Variants in DCDC1 observed in about 807,000 individuals in gnomAD.
The protein encoded by DCDC1 is doublecortin domain-containing protein 1.
In DCDC1, 200 loss-of-function variants were observed where a neutral mutation model predicts 178.3. The ratio of observed to expected loss-of-function variants is 1.12; its 90% confidence interval spans 1.00 to 1.26. The LOEUF (loss-of-function observed/expected upper bound fraction) is 1.26. Ranked by LOEUF, DCDC1 falls within the 50% of genes most tolerant of loss-of-function variation. DCDC1 has a pLI of 0.00. For synonymous variants in DCDC1, 690 were observed against 604.8 expected (o/e 1.14, Z -2.07); for missense variants, 1,983 against 1,749.2 (o/e 1.13, Z -2.38).
chr11:31,146,344 C>A (rs930853076), intron 9 of DCDC1, among the ~76,000 whole-genome samples: 3 of 152,116 alleles, frequency 2.0e-5, no homozygotes, highest in Admixed American at 6.5e-5. Context: ...CCTTGGCCTC[C>A]CAAAGGGCTG....
intron 1 of DCDC1, among the ~76,000 whole-genome samples, chr11:31,342,952 G>A (rs558578889): frequency 1.3e-5 from 2 of 152,010 alleles, no homozygotes; most frequent in African/African-American, 4.8e-5. Context: ...ATACCTTTTT[G>A]TTTTTTTCCC....
chr11:30,932,740 C>A (rs1947016496), intron 21 of DCDC1, among the ~76,000 whole-genome samples: 1 of 152,034 alleles, frequency 6.6e-6, no homozygotes, highest in Non-Finnish European at 1.5e-5. Context: ...AGTCCTGAAG[C>A]CTTCGTAGGA....
chr11:30,995,472 A>C (rs907070344), intron 20 of DCDC1, among the ~76,000 whole-genome samples: 2 of 152,190 alleles, frequency 1.3e-5, no homozygotes, highest in Non-Finnish European at 2.9e-5. Context: ...GAAAAAGAAC[A>C]ATGGTAGAAG....
chr11:31,121,361 T>A (rs995088763), intron 11 of DCDC1, among the ~76,000 whole-genome samples: 1 of 149,968 alleles, frequency 6.7e-6, no homozygotes, highest in Non-Finnish European at 1.5e-5. Context: ...CATTTTTTTT[T>A]AAACAAGGAA....
chr11:31,099,718 G>GT (rs1424137523), intron 15 of DCDC1, among the ~76,000 whole-genome samples: 3 of 137,656 alleles, frequency 2.2e-5, no homozygotes, highest in Non-Finnish European at 4.7e-5. Flanking sequence ...TTGTTTGTTT[G>GT]TTGTTTTTTT....
chr11:31,296,232 A>G (rs1302858115), intron 6 of DCDC1, among the ~76,000 whole-genome samples: 6 of 152,166 alleles, frequency 3.9e-5, no homozygotes, highest in African/African-American at 1.4e-4. Flanking sequence ...CCTTATGTCT[A>G]ACAGAAGAGT....
chr11:31,267,193 ATT>A (rs397848314), intron 7 of DCDC1, among the ~76,000 whole-genome samples: 3 of 147,584 alleles, frequency 2.0e-5, no homozygotes, highest in Admixed American at 6.7e-5. Flanking sequence ...TGTTATAGGA[ATT>A]TTTTTTTTTT....
At chr11:31,201,973 A>T (rs1225123545) in intron 9 of DCDC1, among the ~76,000 whole-genome samples, 1 of 152,218 alleles carries the variant, frequency 6.6e-6, no homozygotes, top group East Asian at 1.9e-4. Flanking sequence ...AAAAGTATAA[A>T]ATGGTATTTG....
intron 9 of DCDC1, among the ~76,000 whole-genome samples, chr11:31,213,300 A>T (rs934431819): frequency 6.6e-6 from 1 of 151,714 alleles, no homozygotes; most frequent in Non-Finnish European, 1.5e-5. Context: ...TTTCAAATTT[A>T]GCCTTATCAT....
intron 35 of DCDC1, among the ~76,000 whole-genome samples, 162 bp downstream of exon 35, chr11:30,894,086 A>G (rs910197904): frequency 1.3e-5 from 2 of 152,112 alleles, no homozygotes; most frequent in Non-Finnish European, 2.9e-5. Context: ...TTAGACAGCT[A>G]CTCTCCAAAT....
intron 1 of DCDC1, among the ~76,000 whole-genome samples, chr11:31,337,242 T>C (rs917823742): frequency 6.6e-6 from 1 of 152,188 alleles, no homozygotes; most frequent in Non-Finnish European, 1.5e-5. Flanking sequence ...ATTTGGGACT[T>C]TGGGCCTTGC....
rs1958651027 is a variant in DCDC1, at chr11:31,103,668, G to C, written c.1853C>G (p.Ala618Gly). 1 of 764,864 alleles carries C rather than the reference G, an allele frequency of 1.3e-6. No individual in the cohort carries two copies. The highest frequency in any genetic ancestry group is 1.3e-5 in the South Asian group (1 of 74,430). The allele number at this position is 764,864 out of a possible 1,614,324, so 47.4% of individuals were successfully genotyped here. The stretch of plus-strand genomic sequence containing the variant: ...CTTGCCACATCCAGGTAGCAGAACA[G>C]CATTAGGATCCAAAAAGGTCTTATA... ...VAYKTFLDPN[A>G]VLLPGCGNWE... Residue 618 changes from alanine to glycine, a missense_variant, in exon 14 of 39, where the codon GCT (alanine) becomes GGT (glycine). By Grantham distance (60) the Ala-to-Gly change is moderately conservative. Transcript: ENST00000684477.
At chr11:30,871,126 AC>A (rs1941510397) in intron 38 of DCDC1, among the ~76,000 whole-genome samples, 1 of 152,176 alleles carries the variant, frequency 6.6e-6, no homozygotes, top group African/African-American at 2.4e-5. Context: ...TGGTACAGTG[AC>A]CCTGAAGCCA....
intron 34 of DCDC1, 57 bp downstream of exon 34, chr11:30,899,483 CA>C: frequency 8.9e-7 from 1 of 1,126,120 alleles, no homozygotes; most frequent in East Asian, 2.8e-5. Context: ...TAACCATTAG[CA>C]ATTTGGGGCT....
intron 1 of DCDC1, among the ~76,000 whole-genome samples, chr11:31,358,962 AG>A (rs1951551293): frequency 6.6e-6 from 1 of 152,238 alleles, no homozygotes; most frequent in Non-Finnish European, 1.5e-5. Context: ...GTGGAGAAAT[AG>A]GAACACTATT....
chr11:31,186,671 G>A (rs1026671793), intron 9 of DCDC1, among the ~76,000 whole-genome samples: 21 of 152,232 alleles, frequency 1.4e-4, no homozygotes, highest in Non-Finnish European at 4.4e-5. Flanking sequence ...GGTTGAATCT[G>A]GCTTCACCAG....
At chr11:30,902,417 A>G (rs902366775) in intron 32 of DCDC1, among the ~76,000 whole-genome samples, 4 of 152,172 alleles carry the variant, frequency 2.6e-5, no homozygotes, top group African/African-American at 9.7e-5. Flanking sequence ...TCTGTTCTTT[A>G]TAAATTAACC....
intron 7 of DCDC1, among the ~76,000 whole-genome samples, chr11:31,271,074 T>C (rs1156551012): frequency 1.3e-5 from 2 of 152,172 alleles, no homozygotes; most frequent in East Asian, 3.9e-4. Flanking sequence ...CCATCTCTAA[T>C]CTGCTTACCT....
At chr11:31,155,649 AG>A (rs1181446198) in intron 9 of DCDC1, among the ~76,000 whole-genome samples, 1 of 152,256 alleles carries the variant, frequency 6.6e-6, no homozygotes, top group Non-Finnish European at 1.5e-5. Context: ...AGGCAGACAG[AG>A]GACAAGTAGG....
Sources: gnomAD v4.1 joint callset for allele counts (sites outside exome capture counted in the v4.1 genomes callset) on GRCh38, gnomAD v4.1.1 for gene constraint, MANE v1.5 for transcripts, NCBI Gene and HGNC (gene_info 2026-07-23, HGNC 2026-07-21) for gene names.